The following RAB36 variants were observed in gnomAD, a reference collection of about 807,000 sequenced individuals.
RAB36 encodes RAB36, member RAS oncogene family.
A neutral mutation model predicts 39.3 loss-of-function variants in RAB36; 33 were observed. The observed-to-expected ratio is 0.84, with a 90% CI of 0.64 to 1.12. The LOEUF (loss-of-function observed/expected upper bound fraction) is 1.12. RAB36 is among the 50% of genes most tolerant of loss of function. RAB36 has a pLI of 0.00. For synonymous variants in RAB36, 133 were observed against 140.2 expected (o/e 0.95, Z 0.36); for missense variants, 308 against 355.3 (o/e 0.87, Z 1.07).
At position 23,150,166 on chromosome 22, in the gene RAB36, G is replaced by C. The variant is rs1369468386; in HGVS notation, c.161+12G>C. 2.6e-5 allele frequency: 41 copies of C among 1,602,468 alleles called. No individual in the cohort carries two copies. The highest frequency in any genetic ancestry group is 3.4e-5 in the Non-Finnish European group (40 of 1,172,718). On this transcript the variant is annotated intron_variant, in intron 3 of 10. Transcript: ENST00000263116. ...ACGGGGACTGTCGGGTGAGCCTGCA[G>C]GGTGTGGGATGGGGGAGCAGGTGGC... is the stretch of plus-strand genomic sequence containing the variant.
chr22:23,159,106 C>G, intron 8 of RAB36, 57 bp from the exon 9 acceptor site: 3 of 1,595,616 alleles, frequency 1.9e-6, no homozygotes, highest in Non-Finnish European at 8.6e-7. Context: ...GCCTATCCCC[C>G]TGGGCCTCCC....
rs893846015 is a variant in RAB36, at chr22:23,161,804, A to G, written c.*240A>G. 2 of 535,994 alleles carry G rather than the reference A, an allele frequency of 3.7e-6. No individual in the cohort carries two copies. The highest frequency in any genetic ancestry group is 1.9e-5 in the African/African-American group (1 of 52,226). 33.2% of individuals were successfully genotyped at this position (535,994 alleles called of 1,614,324 possible). On this transcript the variant is annotated 3_prime_UTR_variant, in exon 11 of 11. Coordinates refer to ENST00000263116, the MANE Select transcript of RAB36 (RefSeq NM_004914.5). ...CCTGGGAGCCCCACACCACCGGGCCAGTGCAGGCACTGTGGTGATCCCATA... is the reference window on the plus strand; with the variant it reads ...CCTGGGAGCCCCACACCACCGGGCCGGTGCAGGCACTGTGGTGATCCCATA...
Position 23,161,706 on chromosome 22 carries a change from C to T in RAB36, c.*142C>T. The T allele has an allele frequency of 1.4e-6, 1 of 706,818 alleles. No homozygotes were observed. Among genetic ancestry groups the T allele is most frequent in the Non-Finnish European group, 2.3e-6 (1 of 433,972 alleles). 43.8% of individuals were successfully genotyped at this position (706,818 alleles called of 1,614,324 possible). A position where few individuals can be genotyped will look rare whatever the true frequency, so the allele number is the denominator to read the frequency against. ...CCATGTTCCAGTCCCTCCACCCACC[C>T]ACCGGGCTCAGCTCCAGGGCACAGT... On this transcript the variant is annotated 3_prime_UTR_variant, in exon 11 of 11. Coordinates refer to ENST00000263116, the MANE Select transcript of RAB36 (RefSeq NM_004914.5).
At chr22:23,153,429 G>T in intron 5 of RAB36, 3 of 344,754 alleles carry the variant, frequency 8.7e-6, no homozygotes, top group South Asian at 1.2e-4. Flanking sequence ...CCTGGCTCCA[G>T]TCCCTCCCTG....
At position 23,161,655 on chromosome 22, in the gene RAB36, C is replaced by A; in HGVS notation, c.*91C>A. On this transcript the variant is annotated 3_prime_UTR_variant, in exon 11 of 11. Transcript: ENST00000263116. ...TGTGGAGACTGGAGCCCAAGCTCTG[C>A]AGCGTGTCGCCCTCAAGCTGTAGGC... 8.6e-7 allele frequency: 1 copy of A among 1,157,544 alleles called. No homozygotes were observed. The highest frequency in any genetic ancestry group is 1.2e-6 in the Non-Finnish European group (1 of 816,866). The allele number at this position is 1,157,544 out of a possible 1,614,324, so 71.7% of individuals were successfully genotyped here. A position where few individuals can be genotyped will look rare whatever the true frequency, so the allele number is the denominator to read the frequency against.
In RAB36 at chr22:23,156,021, G is replaced by A. The variant is rs746824147; in HGVS notation, c.383G>A (p.Arg128Gln). 12 of 1,611,932 alleles carry A rather than the reference G, an allele frequency of 7.4e-6. No homozygotes were observed. Among genetic ancestry groups the A allele is most frequent in the East Asian group, 4.5e-5 (2 of 44,688 alleles). Residue 128 changes from arginine (R) to glutamine (Q), a missense_variant, in exon 6 of 11, where the codon CGG (arginine) becomes CAG (glutamine). Arg to Gln is a conservative substitution (Grantham distance 43). Transcript: ENST00000263116. ...KFKCIASAYY[R>Q]GAQVIITAFD... ...AAGTGCATCGCATCTGCCTACTACCGGGGTGCCCAGGGTGAGCAACATGCC... is the reference window on the plus strand; with the variant it reads ...AAGTGCATCGCATCTGCCTACTACCAGGGTGCCCAGGGTGAGCAACATGCC...
At chr22:23,152,903 G>A in intron 4 of RAB36, 130 bp from the exon 5 acceptor site, 1 of 703,972 alleles carries the variant, frequency 1.4e-6, no homozygotes. Flanking sequence ...CCCACCCATG[G>A]CCTGCGTGGA....
At chr22:23,146,213 T>C (rs2070760784) in intron 1 of RAB36, among the ~76,000 whole-genome samples, 1 of 152,156 alleles carries the variant, frequency 6.6e-6, no homozygotes, top group South Asian at 2.1e-4. Context: ...GATCTGGTTT[T>C]ATTTATAATT....
intron 7 of RAB36, 85 bp from the exon 8 acceptor site, chr22:23,158,813 C>T (rs2071608959): frequency 1.6e-6 from 2 of 1,229,212 alleles, no homozygotes; most frequent in Non-Finnish European, 2.4e-6. Flanking sequence ...CACTTCAGCC[C>T]TGGGGAGGTC....
At position 23,154,501 on chromosome 22, in the gene RAB36, CT is replaced by C. The variant is rs2071351098; in HGVS notation, c.329+1368del. ...AAGGAGGCTGGGAGAGAACGCAGGGCTGCAGGACTGAGGGATCCAGAGAGCT... is the reference window on the plus strand; with the variant it reads ...AAGGAGGCTGGGAGAGAACGCAGGGCGCAGGACTGAGGGATCCAGAGAGCT... On this transcript the variant is annotated intron_variant, in intron 5 of 10. Transcript: ENST00000263116. 1.3e-5 allele frequency among the ~76,000 whole-genome samples: 2 copies of C among 152,222 alleles called. 1 individual carries two copies. Among genetic ancestry groups the C allele is most frequent in the African/African-American group, 4.8e-5 (2 of 41,468 alleles).
At position 23,164,687 on chromosome 22, in the gene RAB36, G is replaced by A. The variant is rs770028329; in HGVS notation, c.*3123G>A. ...AGGTGCGGCAATGACCACAGTGACCGCGTCCAAGTGCTGCCGAAACGCCTT... is the reference window on the plus strand; with the variant it reads ...AGGTGCGGCAATGACCACAGTGACCACGTCCAAGTGCTGCCGAAACGCCTT... On this transcript the variant is annotated 3_prime_UTR_variant, in exon 11 of 11. Transcript: ENST00000263116. Among the ~76,000 whole-genome samples the A allele has an allele frequency of 1.4e-4, 22 of 152,172 alleles. No individual in the cohort carries two copies. Among genetic ancestry groups the A allele is most frequent in the African/African-American group, 3.9e-4 (16 of 41,440 alleles).
Position 23,161,633 on chromosome 22 carries a change from G to C in RAB36, c.*69G>C. ...ACAGGAATTTCCGTGACTGTGGTGT[G>C]GAGACTGGAGCCCAAGCTCTGCAGC... On this transcript the variant is annotated 3_prime_UTR_variant, in exon 11 of 11. Coordinates refer to ENST00000263116, the MANE Select transcript of RAB36 (RefSeq NM_004914.5). 7.6e-7 allele frequency: 1 copy of C among 1,318,194 alleles called. No homozygotes were observed. The highest frequency in any genetic ancestry group is 1.3e-5 in the South Asian group (1 of 77,186). The allele number at this position is 1,318,194 out of a possible 1,614,324, so 81.7% of individuals were successfully genotyped here.
intron 5 of RAB36, among the ~76,000 whole-genome samples, chr22:23,154,242 C>T (rs574757321): frequency 6.6e-6 from 1 of 152,290 alleles, no homozygotes; most frequent in East Asian, 1.9e-4. Context: ...CTAGCCCCGC[C>T]CCCCTCCTCT....
chr22:23,161,003 G>A lies in RAB36; in HGVS notation c.739+5G>A, dbSNP rs759744132. On this transcript the variant is annotated splice_donor_5th_base_variant and intron_variant, in intron 10 of 10. Coordinates refer to ENST00000263116, the MANE Select transcript of RAB36 (RefSeq NM_004914.5). ...TCGGCAATGGAGACCTAATCCGTGA[G>A]TATAGGTGTGACTGGGTTGGGCTGG... 1 of 1,598,984 alleles carries A rather than the reference G, an allele frequency of 6.3e-7. No homozygotes were observed. The highest frequency in any genetic ancestry group is 8.6e-7 in the Non-Finnish European group (1 of 1,169,132).
At chr22:23,153,226 G>C in intron 5 of RAB36, 92 bp downstream of exon 5, 1 of 977,814 alleles carries the variant, frequency 1.0e-6, no homozygotes, top group Non-Finnish European at 1.6e-6. Flanking sequence ...TCCATGTCAA[G>C]GAGGACTAGT....
Position 23,156,049 on chromosome 22 carries a change from G to A in RAB36, c.394+17G>A, listed in dbSNP as rs555636462. Reference sequence around the variant, plus strand: ...GTGCCCAGGGTGAGCAACATGCCACGTCGGGGCTCAACTGCATGCAGCAGC... The same window carrying A: ...GTGCCCAGGGTGAGCAACATGCCACATCGGGGCTCAACTGCATGCAGCAGC... On this transcript the variant is annotated intron_variant, in intron 6 of 10. Coordinates refer to ENST00000263116, the MANE Select transcript of RAB36 (RefSeq NM_004914.5). 4.1e-5 allele frequency: 66 copies of A among 1,606,918 alleles called. No individual in the cohort carries two copies. Among genetic ancestry groups the A allele is most frequent in the African/African-American group, 2.5e-4 (19 of 74,804 alleles).
chr22:23,158,803 C>A, intron 7 of RAB36, 95 bp from the exon 8 acceptor site: 1 of 1,086,484 alleles, frequency 9.2e-7, no homozygotes, highest in Non-Finnish European at 1.4e-6. Context: ...CCCAGCCCAG[C>A]ACTTCAGCCC....
chr22:23,152,403 G>A, intron 3 of RAB36, 58 bp from the exon 4 acceptor site: 1 of 1,568,096 alleles, frequency 6.4e-7, no homozygotes, highest in Non-Finnish European at 8.8e-7. Context: ...GGGGCTGTGA[G>A]TGTCTGAAGA....
At chr22:23,152,368 A>T in intron 3 of RAB36, 93 bp from the exon 4 acceptor site, 1 of 1,327,804 alleles carries the variant, frequency 7.5e-7, no homozygotes, top group Non-Finnish European at 1.1e-6. Context: ...GGGGTGTCTC[A>T]CCAGCAGAGA....
Sources: allele counts gnomAD v4.1 joint callset (sites outside exome capture counted in the v4.1 genomes callset), GRCh38; gene constraint gnomAD v4.1.1; transcripts MANE v1.5; gene names NCBI Gene and HGNC (gene_info 2026-07-23, HGNC 2026-07-21).